The following DOCK4 variants were observed in gnomAD, a reference collection of about 807,000 sequenced individuals.
DOCK4 encodes the protein dedicator of cytokinesis 4.
A neutral mutation model predicts 268.1 loss-of-function variants in DOCK4; 97 were observed. The ratio of observed to expected loss-of-function variants is 0.36; its 90% CI spans 0.31 to 0.43. The LOEUF is 0.43. DOCK4 is among the 20% of genes least tolerant of loss of function. DOCK4 has a pLI of 1.00. For missense variants in DOCK4, 2,145 were observed against 2,455.7 expected (o/e 0.87, Z 2.67); for synonymous variants, 954 against 887.2 (o/e 1.08, Z -1.34).
chr7:111,782,749 A>G (rs1798866895), intron 35 of DOCK4, 115 bp downstream of exon 35: 4 of 1,113,044 alleles, frequency 3.6e-6, no homozygotes, highest in Non-Finnish European at 5.3e-6. Flanking sequence ...AAATTTAAAA[A>G]TAACTCTTCT....
At chr7:112,014,679 G>GA (rs1379662959) in intron 1 of DOCK4, among the ~76,000 whole-genome samples, 1 of 152,062 alleles carries the variant, frequency 6.6e-6, no homozygotes, top group African/African-American at 2.4e-5. Context: ...TTCTTATGTG[G>GA]AAAAAAATTA....
chr7:111,959,225 G>A (rs1796674243), intron 8 of DOCK4, among the ~76,000 whole-genome samples: 1 of 152,114 alleles, frequency 6.6e-6, no homozygotes, highest in Non-Finnish European at 1.5e-5. Context: ...TGGAATAGAT[G>A]ATATTGCCAC....
intron 1 of DOCK4, among the ~76,000 whole-genome samples, chr7:112,064,297 C>T (rs1442149667): frequency 3.3e-5 from 5 of 152,164 alleles, no homozygotes; most frequent in Admixed American, 2.6e-4. Flanking sequence ...TTCAAAGAGT[C>T]TATAAACCAA....
rs866909091 is a variant in DOCK4 at position 112,066,737 on chromosome 7, A to C, written c.38-62606T>G. On this transcript the variant is annotated intron_variant, in intron 1 of 52. Transcript: ENST00000428084. ...TATATATATATATATATATATATATATATATCTCCTATTGGCTCTGTGTCT... is the reference window on the plus strand; with the variant it reads ...TATATATATATATATATATATATATCTATATCTCCTATTGGCTCTGTGTCT... 3.3e-5 allele frequency among the ~76,000 whole-genome samples: 3 copies of C among 91,926 alleles called. No homozygotes were observed. The South Asian group carries it at 1.0e-3, about 31-fold the overall frequency. The allele number at this position is 91,926 out of a possible 152,430, so 60.3% of individuals were successfully genotyped here.
chr7:111,917,132 C>T (rs1322621523), intron 12 of DOCK4, among the ~76,000 whole-genome samples: 1 of 151,784 alleles, frequency 6.6e-6, no homozygotes, highest in Non-Finnish European at 1.5e-5. Context: ...GGACTACAGG[C>T]GTCCGCCATC....
intron 1 of DOCK4, among the ~76,000 whole-genome samples, chr7:112,008,336 AT>A (rs1366219605): frequency 2.0e-5 from 3 of 152,218 alleles, no homozygotes; most frequent in Non-Finnish European, 4.4e-5. Flanking sequence ...TCCTTAAAAA[AT>A]ATCTGTCAGC....
intron 1 of DOCK4, among the ~76,000 whole-genome samples, chr7:112,091,700 C>G (rs924339814): frequency 6.6e-6 from 1 of 152,132 alleles, no homozygotes; most frequent in African/African-American, 2.4e-5. Context: ...AAGGGTATTT[C>G]TCAGATTTTT....
At chr7:112,161,715 G>C (rs928828826) in intron 1 of DOCK4, among the ~76,000 whole-genome samples, 4 of 152,200 alleles carry the variant, frequency 2.6e-5, no homozygotes, top group African/African-American at 7.2e-5. Context: ...GGGATGACTT[G>C]AGCTCTGGTA....
At chr7:112,026,602 G>C (rs1802815093) in intron 1 of DOCK4, among the ~76,000 whole-genome samples, 1 of 152,210 alleles carries the variant, frequency 6.6e-6, no homozygotes, top group Non-Finnish European at 1.5e-5. Flanking sequence ...TTTTAAAAGA[G>C]TAATATTTTG....
intron 1 of DOCK4, among the ~76,000 whole-genome samples, chr7:112,120,245 T>G (rs1479665339): frequency 6.6e-6 from 1 of 152,166 alleles, no homozygotes; most frequent in African/African-American, 2.4e-5. Flanking sequence ...CAGCTAAAAC[T>G]CTGAACAGTA....
rs1796860970 is a variant in DOCK4 at position 111,961,168 on chromosome 7, T to C, written c.702-15370A>G. Among the ~76,000 whole-genome samples, 4 of 152,170 alleles carry C rather than the reference T, an allele frequency of 2.6e-5. No individual in the cohort carries two copies. The South Asian group carries it at 8.3e-4, about 32-fold the overall frequency. ...TTTGCTCTCCAATGGCAGCTGATCT[T>C]GTTTCCCCCTTTACTTAAAAAAGAT... On this transcript the variant is annotated intron_variant, in intron 8 of 52. Transcript: ENST00000428084.
At chr7:111,851,891 AG>A (rs1361775841) in intron 23 of DOCK4, among the ~76,000 whole-genome samples, 1 of 151,576 alleles carries the variant, frequency 6.6e-6, no homozygotes, top group African/African-American at 2.4e-5. Flanking sequence ...TGCTACTAAA[AG>A]TGATAAGGAG....
Position 112,026,405 on chromosome 7 carries a change from C to G in DOCK4, c.38-22274G>C, listed in dbSNP as rs138644426. The stretch of plus-strand genomic sequence containing the variant: ...ACAGTTCATCCTGAAACATCCCCCC[C>G]ACTCACCCTTGTCTGTGGAAAAATT... On this transcript the variant is annotated intron_variant, in intron 1 of 52. Transcript: ENST00000428084. Among the ~76,000 whole-genome samples, 148 of 152,278 alleles carry G rather than the reference C, an allele frequency of 9.7e-4. 2 individuals are homozygous for G. The highest frequency in any genetic ancestry group is 3.4e-3 in the African/African-American group (140 of 41,562).
intron 1 of DOCK4, among the ~76,000 whole-genome samples, chr7:112,189,824 C>A (rs1305827882): frequency 1.4e-5 from 2 of 145,316 alleles, no homozygotes; most frequent in East Asian, 2.1e-4. Flanking sequence ...GCAAGCAATC[C>A]ACCCGCTTCA....
At chr7:112,005,682 C>CTTTTGCAT (rs113129786) in intron 1 of DOCK4, among the ~76,000 whole-genome samples, 1,587 of 152,220 alleles carry the variant, frequency 0.01, 27 homozygotes, top group African/African-American at 0.035. Context: ...AATTGCCTTT[C>CTTTTGCAT]CAAACTCTGC....
chr7:111,986,631 A>G (rs1179469687), intron 6 of DOCK4, among the ~76,000 whole-genome samples: 1 of 152,174 alleles, frequency 6.6e-6, no homozygotes, highest in African/African-American at 2.4e-5. Flanking sequence ...CACCAAGAAG[A>G]AAGGATTAAC....
intron 1 of DOCK4, among the ~76,000 whole-genome samples, chr7:112,189,441 G>A (rs1819734048): frequency 6.6e-6 from 1 of 152,132 alleles, no homozygotes; most frequent in Non-Finnish European, 1.5e-5. Context: ...GTGGCCAGAG[G>A]ATATGACAAG....
At chr7:111,938,628 A>C (rs917916647) in intron 11 of DOCK4, among the ~76,000 whole-genome samples, 7 of 152,198 alleles carry the variant, frequency 4.6e-5, no homozygotes, top group African/African-American at 1.7e-4. Flanking sequence ...GATTTGGAAT[A>C]TATCAAGTAA....
intron 23 of DOCK4, among the ~76,000 whole-genome samples, chr7:111,855,215 G>A (rs73715279): frequency 0.011 from 1,703 of 152,276 alleles, 33 homozygotes; most frequent in African/African-American, 0.038. Context: ...CATCTGGTAT[G>A]TTTCTGAAGG....
Sources: allele counts gnomAD v4.1 joint callset (sites outside exome capture counted in the v4.1 genomes callset), GRCh38; gene constraint gnomAD v4.1.1; transcripts MANE v1.5; gene names NCBI Gene and HGNC (gene_info 2026-07-23, HGNC 2026-07-21).